ADD1: variants seen among roughly 807,000 people sequenced by gnomAD.
ADD1 encodes the protein alpha-adducin.
ADD1 carries 24 observed loss-of-function variants against 80.5 expected under a neutral mutation model. That is an observed-to-expected ratio of 0.30 (90% confidence interval 0.22 to 0.42). ADD1 has a LOEUF of 0.42. Among genes scored for constraint, ADD1 ranks in the 10% least tolerant of loss-of-function variants. The pLI, the probability that ADD1 is intolerant of heterozygous loss-of-function variation, is 1.00. For synonymous variants in ADD1, 373 were observed against 393.8 expected (o/e 0.95, Z 0.63); for missense variants, 948 against 1,019.0 (o/e 0.93, Z 0.95).
In ADD1 at chr4:2,862,470, A is replaced by C. The variant is rs114408337; in HGVS notation, c.-20-13426A>C. ...CAATGCTTAAAGAAAGGAGATGATAAACAGACAGCCTTATTCCCCTCTCCC... is the reference window on the plus strand; with the variant it reads ...CAATGCTTAAAGAAAGGAGATGATACACAGACAGCCTTATTCCCCTCTCCC... On this transcript the variant is annotated intron_variant, in intron 1 of 15. Coordinates refer to ENST00000683351, the MANE Select transcript of ADD1 (RefSeq NM_001354761.2). Among the ~76,000 whole-genome samples, 384 of 152,250 alleles carry C rather than the reference A, an allele frequency of 2.5e-3. 4 individuals carry two copies. The highest frequency in any genetic ancestry group is 8.9e-3 in the African/African-American group (368 of 41,554).
At chr4:2,927,038 C>T (rs532159679) in intron 15 of ADD1, among the ~76,000 whole-genome samples, 17 of 152,332 alleles carry the variant, frequency 1.1e-4, no homozygotes, top group East Asian at 7.7e-4. Context: ...TGCCACCTGC[C>T]GTGTGGGGTC....
At chr4:2,860,297 G>A (rs574136356) in intron 1 of ADD1, among the ~76,000 whole-genome samples, 6 of 152,278 alleles carry the variant, frequency 3.9e-5, no homozygotes, top group Admixed American at 3.3e-4. Flanking sequence ...GGGAATTGAC[G>A]TGATTTTGGA....
chr4:2,911,777 T>G (rs1301488089), intron 13 of ADD1, among the ~76,000 whole-genome samples: 4 of 152,144 alleles, frequency 2.6e-5, no homozygotes, highest in Non-Finnish European at 5.9e-5. Context: ...TAATTTTGGC[T>G]GCCCTCTGGA....
intron 11 of ADD1, 75 bp downstream of exon 11, chr4:2,907,919 G>C: frequency 8.1e-7 from 1 of 1,237,538 alleles, no homozygotes. Context: ...TGGGGGGAGC[G>C]GGTGCTTGCT....
chr4:2,925,928 G>A (rs1039805750), intron 14 of ADD1, 86 bp from the exon 15 acceptor site: 33 of 1,160,592 alleles, frequency 2.8e-5, no homozygotes, highest in South Asian at 1.8e-4. Flanking sequence ...GCGGCCGAGC[G>A]GGCTGCCCCA....
chr4:2,919,266 T>A (rs1378622234), intron 14 of ADD1, among the ~76,000 whole-genome samples: 2 of 152,234 alleles, frequency 1.3e-5, no homozygotes, highest in Non-Finnish European at 2.9e-5. Flanking sequence ...GCATTGATGT[T>A]CATCAGGGAT....
At position 2,881,928 on chromosome 4, in the gene ADD1, C is replaced by G; in HGVS notation, c.226C>G (p.Gln76Glu). The change falls in exon 3 of 16, where the codon CAG becomes GAG. Residue 76 changes from glutamine to glutamate, a missense_variant. Coordinates refer to ENST00000683351, the MANE Select transcript of ADD1 (RefSeq NM_001354761.2). The part of the protein sequence containing the change: ...AFCEELESMI[Q>E]EQFKKGKNPT... ...CTGTGAAGAATTGGAATCAATGATA[C>G]AGGAGCAATTTAAGAAGGGGAAGAA... The G allele has an allele frequency of 6.2e-7, 1 of 1,606,236 alleles. No homozygotes were observed. Among genetic ancestry groups the G allele is most frequent in the South Asian group, 1.1e-5 (1 of 89,068 alleles).
intron 12 of ADD1, 29 bp from the exon 13 acceptor site, chr4:2,909,310 T>A: frequency 6.6e-7 from 1 of 1,524,822 alleles, no homozygotes; most frequent in Non-Finnish European, 8.9e-7. Flanking sequence ...GGGCCTGGTG[T>A]GCTCTGGTGA....
At chr4:2,871,137 T>A (rs941045722) in intron 1 of ADD1, among the ~76,000 whole-genome samples, 1 of 151,574 alleles carries the variant, frequency 6.6e-6, no homozygotes, top group African/African-American at 2.4e-5. Flanking sequence ...CCCGGCTAAT[T>A]TTTTTTTGTA....
rs1736514699 is a variant in ADD1, at chr4:2,903,373, G to A, written c.1162-1391G>A. ...AAATCACTACAGGCCTGGTGGCTTCGAACAGCAGCCATTTATTTCCTAGCT... is the reference window on the plus strand; with the variant it reads ...AAATCACTACAGGCCTGGTGGCTTCAAACAGCAGCCATTTATTTCCTAGCT... On this transcript the variant is annotated intron_variant, in intron 9 of 15. Transcript: ENST00000683351. 3.9e-5 allele frequency among the ~76,000 whole-genome samples: 6 copies of A among 152,178 alleles called. No individual in the cohort carries two copies. The South Asian group carries it at 1.0e-3, about 26-fold the overall frequency.
intron 4 of ADD1, among the ~76,000 whole-genome samples, chr4:2,890,803 G>T (rs888878893): frequency 3.9e-5 from 6 of 152,022 alleles, no homozygotes; most frequent in Admixed American, 6.6e-5. Flanking sequence ...AAATACCCTT[G>T]TATGTGTGTT....
rs1712730292 is a variant in ADD1, at chr4:2,929,818, T to C, written c.*1295T>C. On this transcript the variant is annotated 3_prime_UTR_variant, in exon 16 of 16. Coordinates refer to ENST00000683351, the MANE Select transcript of ADD1 (RefSeq NM_001354761.2). ...GGGCCTGCTACGCGGGCAAGCGTGC[T>C]GCCTCTCTTCTGTGTCGTTTTGTTG... The C allele has an allele frequency of 6.6e-6, 1 of 152,592 alleles. No homozygotes were observed. Among genetic ancestry groups the C allele is most frequent in the Non-Finnish European group, 1.5e-5 (1 of 68,068 alleles). The allele number at this position is 152,592 out of a possible 1,614,324, so 9.5% of individuals were successfully genotyped here.
intron 1 of ADD1, among the ~76,000 whole-genome samples, chr4:2,851,708 G>A (rs1378989703): frequency 1.3e-5 from 2 of 152,176 alleles, no homozygotes; most frequent in Admixed American, 1.3e-4. Flanking sequence ...AGGAAGGTTA[G>A]GAATGGTCTT....
At chr4:2,894,781 A>G in intron 6 of ADD1, 50 bp downstream of exon 6, 2 of 1,551,564 alleles carry the variant, frequency 1.3e-6, no homozygotes, top group Non-Finnish European at 1.7e-6. Flanking sequence ...GCTGAGTGAA[A>G]GGCACTGCAC....
chr4:2,853,540 A>C (rs974752747), intron 1 of ADD1: 1 of 152,176 alleles, frequency 6.6e-6, no homozygotes, highest in Admixed American at 6.5e-5. Flanking sequence ...TGGCCCATAA[A>C]TTATTTTAAA....
chr4:2,925,800 C>G (rs1440495852), intron 14 of ADD1, among the ~76,000 whole-genome samples: 1 of 152,218 alleles, frequency 6.6e-6, no homozygotes, highest in Non-Finnish European at 1.5e-5. Flanking sequence ...AGTTTTGTAT[C>G]TGAAGTTGGT....
At chr4:2,871,894 AT>A (rs900470821) in intron 1 of ADD1, among the ~76,000 whole-genome samples, 1 of 152,160 alleles carries the variant, frequency 6.6e-6, no homozygotes, top group African/African-American at 2.4e-5. Flanking sequence ...TCACTTTTAG[AT>A]TTTTATTTTA....
intron 14 of ADD1, among the ~76,000 whole-genome samples, chr4:2,919,082 AC>A (rs1269116425): frequency 1.3e-5 from 2 of 151,886 alleles, no homozygotes; most frequent in African/African-American, 4.8e-5. Context: ...CTTGTGATCC[AC>A]CTGCCTCAGC....
At chr4:2,886,185 G>C (rs1183100235) in intron 4 of ADD1, among the ~76,000 whole-genome samples, 1 of 152,210 alleles carries the variant, frequency 6.6e-6, no homozygotes, top group Non-Finnish European at 1.5e-5. Context: ...TGTGTGCGCT[G>C]TTCACGTTGC....
Sources: gnomAD v4.1 joint callset for allele counts (sites outside exome capture counted in the v4.1 genomes callset) on GRCh38, gnomAD v4.1.1 for gene constraint, MANE v1.5 for transcripts, NCBI Gene and HGNC (gene_info 2026-07-23, HGNC 2026-07-21) for gene names.